Variants in IFT22 observed in about 807,000 individuals in gnomAD.
The protein encoded by IFT22 is intraflagellar transport protein 22 homolog.
In IFT22, 13 loss-of-function variants were observed where a neutral mutation model predicts 21.0. That is an observed-to-expected ratio of 0.62 (90% CI 0.40 to 0.98). The LOEUF (loss-of-function observed/expected upper bound fraction) is 0.98, where lower values mean the gene tolerates loss of function less well. Ranked by LOEUF, IFT22 falls within the 50% of genes least tolerant of loss-of-function variation. IFT22 has a pLI of 0.00. For synonymous variants in IFT22, 67 were observed against 82.4 expected (o/e 0.81, Z 1.01); for missense variants, 227 against 228.9 (o/e 0.99, Z 0.06).
rs374479701 is a variant in IFT22, at chr7:101,321,752, G to C, written c.-43C>G. The stretch of plus-strand genomic sequence containing the variant: ...TAGCCGGCCGGAGCCCACGGGAGGC[G>C]GCGCGTCAGGACGGAGCTCTACTTG... On this transcript the variant is annotated 5_prime_UTR_variant, in exon 1 of 5. Coordinates refer to ENST00000315322, the MANE Select transcript of IFT22 (RefSeq NM_022777.4). 6.4e-7 allele frequency: 1 copy of C among 1,561,310 alleles called. No individual in the cohort carries two copies. Among genetic ancestry groups the C allele is most frequent in the Non-Finnish European group, 8.7e-7 (1 of 1,152,010 alleles).
rs552483983 is a variant in IFT22 at position 101,311,032 on chromosome 7, C to T, written c.*4102G>A. The stretch of plus-strand genomic sequence containing the variant: ...TTTTTGAGATGGAGTCTCGCTCTGT[C>T]GCCCAGGCTGGAGTGCAGTGGCGGG... On this transcript the variant is annotated 3_prime_UTR_variant, in exon 5 of 5. Transcript: ENST00000315322. The T allele has an allele frequency of 1.1e-4, 29 of 271,378 alleles. No individual in the cohort carries two copies. The highest frequency in any genetic ancestry group is 5.1e-4 in the South Asian group (16 of 31,290). 16.8% of individuals were successfully genotyped at this position (271,378 alleles called of 1,614,324 possible). A position where few individuals can be genotyped will look rare whatever the true frequency, so the allele number is the denominator to read the frequency against.
rs1790022002 is a variant in IFT22, at chr7:101,313,016, TAG to T, written c.*2116_*2117del. Among the ~76,000 whole-genome samples the T allele has an allele frequency of 6.6e-6, 1 of 151,530 alleles. No individual in the cohort carries two copies. Among genetic ancestry groups the T allele is most frequent in the South Asian group, 2.1e-4 (1 of 4,800 alleles). On this transcript the variant is annotated 3_prime_UTR_variant, in exon 5 of 5. Coordinates refer to ENST00000315322, the MANE Select transcript of IFT22 (RefSeq NM_022777.4). ...GCCCAGCTAATTTTTGTATTTTTAG[TAG>T]AGACGGGGTTTCACCATGTTGGACA... is the stretch of plus-strand genomic sequence containing the variant.
In IFT22 at chr7:101,312,430, AAAAAAAC is replaced by A. The variant is rs953018764; in HGVS notation, c.*2697_*2703del. On this transcript the variant is annotated 3_prime_UTR_variant, in exon 5 of 5. Coordinates refer to ENST00000315322, the MANE Select transcript of IFT22 (RefSeq NM_022777.4). ...GGATGACAGAGTGACACCGTGTCTC[AAAAAAAC>A]AAAAAACAAAAAATTGTGTCTGTAC... 1.3e-5 allele frequency among the ~76,000 whole-genome samples: 2 copies of A among 152,094 alleles called. No homozygotes were observed. The highest frequency in any genetic ancestry group is 2.1e-4 in the South Asian group (1 of 4,822).
chr7:101,321,615 G>C, intron 1 of IFT22, 56 bp downstream of exon 1: 1 of 1,542,028 alleles, frequency 6.5e-7, no homozygotes, highest in Non-Finnish European at 8.8e-7. Context: ...ACCTGCGCTC[G>C]CCCAGGCCCC....
At position 101,312,902 on chromosome 7, in the gene IFT22, C is replaced by T. The variant is rs370041609; in HGVS notation, c.*2232G>A. On this transcript the variant is annotated 3_prime_UTR_variant, in exon 5 of 5. Coordinates refer to ENST00000315322, the MANE Select transcript of IFT22 (RefSeq NM_022777.4). ...AGGCTGGAGTGCAATGGCACAATCT[C>T]GGCTTACTGCAACCTCCGCCTCCCA... is the stretch of plus-strand genomic sequence containing the variant. 5.3e-4 allele frequency among the ~76,000 whole-genome samples: 81 copies of T among 151,666 alleles called. No individual in the cohort carries two copies. Among genetic ancestry groups the T allele is most frequent in the African/African-American group, 1.8e-3 (75 of 41,344 alleles).
At chr7:101,319,097 C>G in intron 1 of IFT22, 65 bp from the exon 2 acceptor site, 1 of 1,546,062 alleles carries the variant, frequency 6.5e-7, no homozygotes, top group Non-Finnish European at 8.9e-7. Context: ...AAAAAATGAC[C>G]CCAAGAGGTG....
intron 2 of IFT22, 195 bp downstream of exon 2, chr7:101,318,761 C>T (rs554102718): frequency 1.7e-4 from 89 of 535,726 alleles, no homozygotes; most frequent in Non-Finnish European, 2.9e-4. Flanking sequence ...TTCAACCTAA[C>T]ATGTAGCTGA....
In IFT22 at chr7:101,312,794, C is replaced by T. The variant is rs1252152199; in HGVS notation, c.*2340G>A. ...TTGTGATTTACCTGCCTTGGCCTCC[C>T]AAAGTGCTGGGATTACAGGTGTGAG... is the stretch of plus-strand genomic sequence containing the variant. On this transcript the variant is annotated 3_prime_UTR_variant, in exon 5 of 5. Coordinates refer to ENST00000315322, the MANE Select transcript of IFT22 (RefSeq NM_022777.4). Among the ~76,000 whole-genome samples the T allele has an allele frequency of 6.6e-6, 1 of 151,480 alleles. No individual in the cohort carries two copies. The highest frequency in any genetic ancestry group is 1.5e-5 in the Non-Finnish European group (1 of 67,904).
rs201174306 is a variant in IFT22 at position 101,318,919 on chromosome 7, G to A, written c.116+37C>T. ...AGGAATGAGCCTCCCTGCCGAGCCA[G>A]TTGGACACTCTGGGACACAGATTTG... On this transcript the variant is annotated intron_variant, in intron 2 of 4. Coordinates refer to ENST00000315322, the MANE Select transcript of IFT22 (RefSeq NM_022777.4). The A allele has an allele frequency of 3.2e-6, 5 of 1,542,176 alleles. No individual in the cohort carries two copies. In the Admixed American group the frequency reaches 5.0e-5, roughly 15 times the overall value.
At position 101,315,109 on chromosome 7, in the gene IFT22, T is replaced by C. The variant is rs1443637817; in HGVS notation, c.*25A>G. 40 of 1,607,148 alleles carry C rather than the reference T, an allele frequency of 2.5e-5. No individual in the cohort carries two copies. The highest frequency in any genetic ancestry group is 3.4e-5 in the Non-Finnish European group (40 of 1,175,696). Reference sequence around the variant, plus strand: ...AGAAACATGCTGATTTCACTGGGGATGTGGCAGTCCCAGGTGAAGGCTGGC... The same window carrying C: ...AGAAACATGCTGATTTCACTGGGGACGTGGCAGTCCCAGGTGAAGGCTGGC... On this transcript the variant is annotated 3_prime_UTR_variant, in exon 5 of 5. Coordinates refer to ENST00000315322, the MANE Select transcript of IFT22 (RefSeq NM_022777.4).
chr7:101,321,783 T>A lies in IFT22; in HGVS notation c.-74A>T. 1 of 1,429,450 alleles carries A rather than the reference T, an allele frequency of 7.0e-7. No homozygotes were observed. Among genetic ancestry groups the A allele is most frequent in the Non-Finnish European group, 9.3e-7 (1 of 1,073,910 alleles). The allele number at this position is 1,429,450 out of a possible 1,614,324, so 88.5% of individuals were successfully genotyped here. A position where few individuals can be genotyped will look rare whatever the true frequency, so the allele number is the denominator to read the frequency against. On this transcript the variant is annotated 5_prime_UTR_variant, in exon 1 of 5. It adds an upstream start codon to the 5' untranslated region. Transcript: ENST00000315322. ...TCAGGACGGAGCTCTACTTGGCCGC[T>A]TTCGTTTCCATGGCGACGGAGAGAG...
chr7:101,311,716 A>C lies in IFT22; in HGVS notation c.*3418T>G, dbSNP rs1394105108. 2.6e-5 allele frequency among the ~76,000 whole-genome samples: 4 copies of C among 152,194 alleles called. No individual in the cohort carries two copies. The highest frequency in any genetic ancestry group is 9.6e-5 in the African/African-American group (4 of 41,470). On this transcript the variant is annotated 3_prime_UTR_variant, in exon 5 of 5. Transcript: ENST00000315322. ...ATTACAAACATAACAATTATGAATG[A>C]AAAATAACTCCATGGCTGGGTGCAG...
chr7:101,321,589 G>A, intron 1 of IFT22, 82 bp downstream of exon 1: 3 of 1,447,208 alleles, frequency 2.1e-6, no homozygotes, highest in South Asian at 1.3e-5. Context: ...GCAAGCCGCA[G>A]ATCAGACGGG....
chr7:101,320,827 T>C (rs1790321427), intron 1 of IFT22, among the ~76,000 whole-genome samples: 1 of 151,596 alleles, frequency 6.6e-6, no homozygotes, highest in African/African-American at 2.4e-5. Context: ...CTAGGCAACA[T>C]AGCAAGATCC....
At chr7:101,320,020 G>A (rs536301931) in intron 1 of IFT22, among the ~76,000 whole-genome samples, 5 of 149,880 alleles carry the variant, frequency 3.3e-5, no homozygotes, top group African/African-American at 1.2e-4. Flanking sequence ...GCAATGGCGC[G>A]ATCTTGGCTT....
At chr7:101,319,259 G>A (rs190100628) in intron 1 of IFT22, among the ~76,000 whole-genome samples, 8 of 152,162 alleles carry the variant, frequency 5.3e-5, no homozygotes, top group African/African-American at 1.9e-4. Context: ...TTTATTTTTT[G>A]AGACAGAGTT....
At position 101,315,132 on chromosome 7, in the gene IFT22, G is replaced by A. The variant is rs1232175246; in HGVS notation, c.*2C>T. Reference sequence around the variant, plus strand: ...GATGTGGCAGTCCCAGGTGAAGGCTGGCTAGGTCATAATTGACATCTCCTC... The same window carrying A: ...GATGTGGCAGTCCCAGGTGAAGGCTAGCTAGGTCATAATTGACATCTCCTC... On this transcript the variant is annotated 3_prime_UTR_variant, in exon 5 of 5. Transcript: ENST00000315322. 9.9e-6 allele frequency: 16 copies of A among 1,612,406 alleles called. No homozygotes were observed. The South Asian group carries it at 1.8e-4, about 18-fold the overall frequency.
rs2116916830 is a variant in IFT22 at position 101,314,813 on chromosome 7, A to G, written c.*321T>C. 3.6e-6 allele frequency: 1 copy of G among 279,338 alleles called. No homozygotes were observed. Among genetic ancestry groups the G allele is most frequent in the East Asian group, 8.6e-5 (1 of 11,676 alleles). The allele number at this position is 279,338 out of a possible 1,614,324, so 17.3% of individuals were successfully genotyped here. ...CACGTGATTAAACTACTGTTGTATCATTGGGCTGCGACGGTTACAAGTCCA... is the reference window on the plus strand; with the variant it reads ...CACGTGATTAAACTACTGTTGTATCGTTGGGCTGCGACGGTTACAAGTCCA... On this transcript the variant is annotated 3_prime_UTR_variant, in exon 5 of 5. Coordinates refer to ENST00000315322, the MANE Select transcript of IFT22 (RefSeq NM_022777.4).
chr7:101,321,153 A>G (rs1790334831), intron 1 of IFT22, among the ~76,000 whole-genome samples: 2 of 151,692 alleles, frequency 1.3e-5, no homozygotes, highest in Admixed American at 1.3e-4. Flanking sequence ...AAAAAAACAA[A>G]ACAAAACAAA....
Sources: gnomAD v4.1 joint callset for allele counts (sites outside exome capture counted in the v4.1 genomes callset) on GRCh38, gnomAD v4.1.1 for gene constraint, MANE v1.5 for transcripts, NCBI Gene and HGNC (gene_info 2026-07-23, HGNC 2026-07-21) for gene names.